SMIM7: variants seen among roughly 807,000 people sequenced by gnomAD.
SMIM7 encodes small integral membrane protein 7.
In SMIM7, 12 loss-of-function variants were observed where a neutral mutation model predicts 13.3. The observed-to-expected ratio is 0.90, with a 90% confidence interval of 0.58 to 1.46. The LOEUF (loss-of-function observed/expected upper bound fraction) is 1.46, where lower values mean the gene tolerates loss of function less well. Ranked by LOEUF, SMIM7 falls within the 40% of genes most tolerant of loss-of-function variation. The pLI, the probability that SMIM7 is intolerant of heterozygous loss-of-function variation, is 0.00. For missense variants in SMIM7, 114 were observed against 94.8 expected, an observed-to-expected ratio of 1.20 and a Z score of -0.84; for synonymous variants, 36 against 35.8, an observed-to-expected ratio of 1.01 and a Z score of -0.02.
intron 3 of SMIM7, among the ~76,000 whole-genome samples, chr19:16,658,947 G>A (rs2043738386): frequency 6.6e-6 from 1 of 151,986 alleles, no homozygotes; most frequent in African/African-American, 2.4e-5. Context: ...GACAGAGGTA[G>A]GCAGAAAGGC....
chr19:16,659,343 G>T, intron 3 of SMIM7, 52 bp downstream of exon 3: 6 of 1,355,524 alleles, frequency 4.4e-6, no homozygotes, highest in Non-Finnish European at 6.3e-6. Flanking sequence ...TGGCGAAACA[G>T]AACTGTCCTC....
chr19:16,646,665 C>T lies in SMIM7; in HGVS notation c.*581G>A, dbSNP rs1280503320. ...GCTCCACATGTCTTCTGTGGAAACA[C>T]TTCACCAGGAACTAGCTCAACACTC... On this transcript the variant is annotated 3_prime_UTR_variant, in exon 5 of 5. Transcript: ENST00000487416. 1 of 156,912 alleles carries T rather than the reference C, an allele frequency of 6.4e-6. No individual in the cohort carries two copies. The highest frequency in any genetic ancestry group is 1.4e-5 in the Non-Finnish European group (1 of 69,640). The allele number at this position is 156,912 out of a possible 1,614,324, so 9.7% of individuals were successfully genotyped here.
chr19:16,651,027 G>C (rs1291205844), intron 4 of SMIM7, among the ~76,000 whole-genome samples: 1 of 152,222 alleles, frequency 6.6e-6, no homozygotes, highest in African/African-American at 2.4e-5. Flanking sequence ...ATGGTATTGT[G>C]ACAGCCAGTC....
intron 2 of SMIM7, chr19:16,659,713 G>GA: frequency 1.5e-6 from 1 of 652,708 alleles, no homozygotes; most frequent in Non-Finnish European, 2.6e-6. Context: ...TTTCTTGGGG[G>GA]ATGGGGCTTA....
chr19:16,654,733 A>G (rs1443077875), intron 3 of SMIM7, among the ~76,000 whole-genome samples: 1 of 152,142 alleles, frequency 6.6e-6, no homozygotes, highest in Non-Finnish European at 1.5e-5. Context: ...AGACACAAAA[A>G]TTACAAGAAA....
chr19:16,658,459 C>A (rs2122555680), intron 3 of SMIM7, among the ~76,000 whole-genome samples: 1 of 152,276 alleles, frequency 6.6e-6, no homozygotes, highest in Non-Finnish European at 1.5e-5. Flanking sequence ...GCCTCCAGGG[C>A]CCAGGCAGAT....
intron 4 of SMIM7, among the ~76,000 whole-genome samples, chr19:16,637,529 G>A (rs1404926980): frequency 6.6e-6 from 1 of 152,130 alleles, no homozygotes; most frequent in Non-Finnish European, 1.5e-5. Flanking sequence ...TAGGCCCTTA[G>A]CCTGTACCTC....
chr19:16,642,711 G>A (rs2086412531), downstream of SMIM7, among the ~76,000 whole-genome samples: 1 of 151,992 alleles, frequency 6.6e-6, no homozygotes, highest in Non-Finnish European at 1.5e-5. Context: ...TTAGCCTGTG[G>A]TACATGCCTG....
chr19:16,636,494 C>T (rs2086362328), intron 4 of SMIM7: 1 of 152,408 alleles, frequency 6.6e-6, no homozygotes, highest in South Asian at 2.1e-4. Flanking sequence ...CTCAGCTTCC[C>T]ATGTAGCTGG....
At chr19:16,658,297 C>T (rs2086623034) in intron 3 of SMIM7, among the ~76,000 whole-genome samples, 4 of 152,212 alleles carry the variant, frequency 2.6e-5, no homozygotes, top group Admixed American at 2.6e-4. Context: ...CCTGCTGTAC[C>T]CCAGCACCTA....
intron 4 of SMIM7, chr19:16,639,871 T>G (rs571293838): frequency 1.3e-4 from 20 of 152,218 alleles, no homozygotes; most frequent in Non-Finnish European, 2.6e-4. Flanking sequence ...TCCTGGGGTC[T>G]CCCCAGCCGT....
intron 4 of SMIM7, among the ~76,000 whole-genome samples, chr19:16,638,428 T>C (rs1020999548): frequency 1.3e-5 from 2 of 149,926 alleles, no homozygotes; most frequent in African/African-American, 4.9e-5. Flanking sequence ...CTCAGACTCC[T>C]GAGTAGCTGG....
At chr19:16,651,502 T>C (rs919900120) in intron 4 of SMIM7, among the ~76,000 whole-genome samples, 5 of 152,114 alleles carry the variant, frequency 3.3e-5, no homozygotes, top group African/African-American at 1.2e-4. Flanking sequence ...ATCAGGACCC[T>C]GGGCTACTGA....
intron 4 of SMIM7, among the ~76,000 whole-genome samples, chr19:16,651,815 C>T (rs1296935717): frequency 1.4e-5 from 2 of 138,942 alleles, no homozygotes; most frequent in African/African-American, 5.5e-5. Context: ...GAATGAGAAG[C>T]ATGCTGACTT....
chr19:16,641,031 T>C (rs1374458127), downstream of SMIM7: 1 of 152,190 alleles, frequency 6.6e-6, no homozygotes, highest in Non-Finnish European at 1.5e-5. Context: ...TGTTTGTGTA[T>C]ATGTTTGTTA....
In SMIM7 at chr19:16,654,145, C is replaced by T. The variant is rs924279766; in HGVS notation, c.122-20G>A. ...TGTCACCTGGAAGAATCAGAAAGCA[C>T]TTTTATGGCACAGCTAACATCCCAT... On this transcript the variant is annotated intron_variant, in intron 3 of 4. Coordinates refer to ENST00000487416, the MANE Select transcript of SMIM7 (RefSeq NM_024104.4). 1.2e-6 allele frequency: 2 copies of T among 1,604,488 alleles called. No individual in the cohort carries two copies. The highest frequency in any genetic ancestry group is 3.3e-5 in the Admixed American group (2 of 59,948).
chr19:16,655,883 C>T (rs988787471), intron 3 of SMIM7, among the ~76,000 whole-genome samples: 2 of 152,062 alleles, frequency 1.3e-5, no homozygotes, highest in Non-Finnish European at 1.5e-5. Context: ...TTGCTGAAAA[C>T]GGTTTAGACG....
Position 16,659,397 on chromosome 19 carries a change from G to A in SMIM7, c.119C>T (p.Thr40Ile), listed in dbSNP as rs2086641218. The A allele has an allele frequency of 6.2e-7, 1 of 1,613,274 alleles. No homozygotes were observed. The highest frequency in any genetic ancestry group is 1.3e-5 in the African/African-American group (1 of 74,750). ...GFGEESREPS[T>I]GDNIREFLLS... ...TCCAGGATCCAATTAGACCTTACCT[G>A]TGCTGGGCTCCCTGGACTCCTCCCC... Residue 40 changes from threonine (T) to isoleucine (I), a missense_variant and splice_region_variant, in exon 3 of 5, where the codon ACA becomes ATA. Transcript: ENST00000487416.
rs943950771 is a variant in SMIM7, at chr19:16,646,291, A to G, written c.*955T>C. On this transcript the variant is annotated 3_prime_UTR_variant, in exon 5 of 5. Transcript: ENST00000487416. ...CAGGCTCATTCTTATTGGTATAAACAAACAAACAAAAAAACCAGACAACAA... is the reference window on the plus strand; with the variant it reads ...CAGGCTCATTCTTATTGGTATAAACGAACAAACAAAAAAACCAGACAACAA... The G allele has an allele frequency of 6.6e-6, 1 of 152,148 alleles. No individual in the cohort carries two copies. Among genetic ancestry groups the G allele is most frequent in the Non-Finnish European group, 1.5e-5 (1 of 68,000 alleles). The allele number at this position is 152,148 out of a possible 1,614,324, so 9.4% of individuals were successfully genotyped here.
Sources: gnomAD v4.1 joint callset for allele counts (sites outside exome capture counted in the v4.1 genomes callset) on GRCh38, gnomAD v4.1.1 for gene constraint, MANE v1.5 for transcripts, NCBI Gene and HGNC (gene_info 2026-07-23, HGNC 2026-07-21) for gene names.